The following TACR3 variants were observed in gnomAD, a reference collection of about 807,000 sequenced individuals.
TACR3 encodes tachykinin receptor 3.
Under a neutral mutation model 35.0 loss-of-function variants are expected in TACR3, and 34 were observed. The observed-to-expected ratio is 0.97, with a 90% CI of 0.74 to 1.30. The LOEUF (loss-of-function observed/expected upper bound fraction) is 1.30. TACR3 is among the 50% of genes most tolerant of loss of function. The probability of loss-of-function intolerance (pLI) is 0.00; values close to 1 mark genes in which losing one functional copy is unlikely to be tolerated. For synonymous variants in TACR3, 233 were observed against 221.1 expected (o/e 1.05, Z -0.48); for missense variants, 558 against 591.7 (o/e 0.94, Z 0.59).
chr4:103,684,239 G>A (rs540849044), intron 1 of TACR3, among the ~76,000 whole-genome samples: 3 of 152,082 alleles, frequency 2.0e-5, no homozygotes, highest in South Asian at 4.2e-4. Context: ...AAAAAGAATG[G>A]ATAGGCATAC....
intron 1 of TACR3, among the ~76,000 whole-genome samples, chr4:103,689,249 G>A (rs1419164701): frequency 1.5e-5 from 2 of 129,886 alleles, no homozygotes; most frequent in African/African-American, 6.0e-5. Flanking sequence ...GGGGACTGTT[G>A]TGGGGTCGGG....
chr4:103,603,424 C>T (rs1280117410), intron 3 of TACR3, among the ~76,000 whole-genome samples: 3 of 152,244 alleles, frequency 2.0e-5, no homozygotes, highest in Non-Finnish European at 4.4e-5. Flanking sequence ...GTCTGGCACT[C>T]CCCAGTGAGA....
intron 3 of TACR3, among the ~76,000 whole-genome samples, chr4:103,621,553 A>G (rs1724782785): frequency 6.6e-6 from 1 of 152,206 alleles, no homozygotes; most frequent in African/African-American, 2.4e-5. Context: ...GAATGGAGAA[A>G]AGGCTTAGGA....
At chr4:103,626,914 C>A (rs553679325) in intron 3 of TACR3, among the ~76,000 whole-genome samples, 1 of 151,844 alleles carries the variant, frequency 6.6e-6, no homozygotes, top group Non-Finnish European at 1.5e-5. Context: ...GTAGCTCACA[C>A]CCGTTATCCC....
chr4:103,706,084 G>A (rs1722780917), intron 1 of TACR3, among the ~76,000 whole-genome samples: 1 of 152,144 alleles, frequency 6.6e-6, no homozygotes, highest in African/African-American at 2.4e-5. Flanking sequence ...AGGGAAGTGG[G>A]AGTAAAGGCA....
chr4:103,683,573 G>A (rs973359033), intron 1 of TACR3, among the ~76,000 whole-genome samples: 1 of 148,690 alleles, frequency 6.7e-6, no homozygotes, highest in South Asian at 2.1e-4. Flanking sequence ...TTCAAAAAGA[G>A]TATAATACTA....
intron 3 of TACR3, among the ~76,000 whole-genome samples, chr4:103,653,294 A>G (rs72945381): frequency 0.022 from 3,413 of 152,030 alleles, 140 homozygotes; most frequent in African/African-American, 0.078. Context: ...TACTCTCACC[A>G]TTTATTTAGA....
chr4:103,680,995 T>A (rs1053334583), intron 1 of TACR3, among the ~76,000 whole-genome samples: 24 of 149,550 alleles, frequency 1.6e-4, no homozygotes, highest in African/African-American at 5.1e-4. Flanking sequence ...TTCCTTATAT[T>A]TTTTTTCTAT....
intron 1 of TACR3, among the ~76,000 whole-genome samples, chr4:103,683,788 C>G (rs765951158): frequency 6.6e-6 from 1 of 150,640 alleles, no homozygotes; most frequent in East Asian, 2.0e-4. Context: ...GTAGAGAACA[C>G]TTTATAATTC....
intron 1 of TACR3, among the ~76,000 whole-genome samples, chr4:103,681,762 TCTAA>T (rs1722095539): frequency 6.6e-6 from 1 of 152,106 alleles, no homozygotes; most frequent in Non-Finnish European, 1.5e-5. Flanking sequence ...ATGAACTGCA[TCTAA>T]CTGACATTTA....
intron 1 of TACR3, among the ~76,000 whole-genome samples, chr4:103,692,084 C>G (rs1181855474): frequency 6.6e-6 from 1 of 152,044 alleles, no homozygotes; most frequent in Non-Finnish European, 1.5e-5. Flanking sequence ...CTGGTCCCAG[C>G]ATCTGTACAT....
chr4:103,611,103 A>G (rs2110297222), intron 3 of TACR3, among the ~76,000 whole-genome samples: 1 of 152,100 alleles, frequency 6.6e-6, no homozygotes, highest in Middle Eastern at 3.4e-3. Flanking sequence ...TTAGCTATTC[A>G]GGGTCTTTTA....
chr4:103,660,946 A>G (rs1468848288), intron 1 of TACR3, among the ~76,000 whole-genome samples: 1 of 152,074 alleles, frequency 6.6e-6, no homozygotes, highest in Admixed American at 6.5e-5. Flanking sequence ...ATCCAACCAC[A>G]GAATAATACT....
At chr4:103,667,055 C>G (rs919761756) in intron 1 of TACR3, among the ~76,000 whole-genome samples, 5 of 152,026 alleles carry the variant, frequency 3.3e-5, no homozygotes, top group Non-Finnish European at 5.9e-5. Context: ...GTCAGAAGTT[C>G]AAGACCAGCC....
rs975916097 is a variant in TACR3, at chr4:103,651,598, G to T, written c.888+4596C>A. On this transcript the variant is annotated intron_variant, in intron 3 of 4. Coordinates refer to ENST00000304883, the MANE Select transcript of TACR3 (RefSeq NM_001059.3). ...GCTCTACCTCCTTGTGGCTGAGCTG[G>T]TACTTAACATGGAAGATAAAGTCCC... Among the ~76,000 whole-genome samples the T allele has an allele frequency of 2.0e-5, 3 of 151,812 alleles. 1 individual carries two copies. Among genetic ancestry groups the T allele is most frequent in the Admixed American group, 1.3e-4 (2 of 15,216 alleles).
chr4:103,591,678 G>C lies in TACR3; in HGVS notation c.894C>G (p.Val298=). 1 of 1,611,666 alleles carries C rather than the reference G, an allele frequency of 6.2e-7. No individual in the cohort carries two copies. Among genetic ancestry groups the C allele is most frequent in the Non-Finnish European group, 8.5e-7 (1 of 1,179,052 alleles). ...TCATGACAACAATAATCATCATTTT[G>C]ACAACCTATAAAGAAAAAAAGTCAT... ...HEQLKAKRKV[V]KMMIIVVMTF... is the part of the protein sequence containing the mutation. The change falls in exon 4 of 5, where the codon GTC becomes GTG. Residue 298 remains valine (V), a synonymous_variant. Coordinates refer to ENST00000304883, the MANE Select transcript of TACR3 (RefSeq NM_001059.3).
intron 1 of TACR3, among the ~76,000 whole-genome samples, chr4:103,698,731 T>A (rs941367955): frequency 2.6e-5 from 4 of 152,004 alleles, no homozygotes; most frequent in African/African-American, 9.7e-5. Context: ...ATGAATAACA[T>A]AACAGTGTGA....
intron 1 of TACR3, among the ~76,000 whole-genome samples, chr4:103,686,604 G>A (rs982047901): frequency 6.6e-6 from 1 of 152,150 alleles, no homozygotes; most frequent in African/African-American, 2.4e-5. Flanking sequence ...TATATAAAAT[G>A]TCTGATTTTT....
intron 3 of TACR3, among the ~76,000 whole-genome samples, chr4:103,650,200 C>CT (rs1725557721): frequency 6.6e-6 from 1 of 151,750 alleles, no homozygotes; most frequent in African/African-American, 2.4e-5. Context: ...GTCCCTTTTC[C>CT]TGTTCTGAGC....
Sources: gnomAD v4.1 joint callset for allele counts (sites outside exome capture counted in the v4.1 genomes callset) on GRCh38, gnomAD v4.1.1 for gene constraint, MANE v1.5 for transcripts, NCBI Gene and HGNC (gene_info 2026-07-23, HGNC 2026-07-21) for gene names.